Variants in PTCH2 observed in about 807,000 individuals in gnomAD.
The protein encoded by PTCH2 is patched 2, also known as protein patched homolog 2.
In PTCH2, 96 loss-of-function variants were observed where a neutral mutation model predicts 117.9. That is an observed-to-expected ratio of 0.81 (90% CI 0.69 to 0.96). The LOEUF (loss-of-function observed/expected upper bound fraction) is 0.96. PTCH2 is among the 50% of genes least tolerant of loss of function. PTCH2 has a pLI of 0.00. For missense variants in PTCH2, 1,379 were observed against 1,562.5 expected (o/e 0.88, Z 1.98); for synonymous variants, 615 against 660.9 (o/e 0.93, Z 1.06).
At chr1:44,841,533 T>G (rs1228946090) in intron 2 of PTCH2, among the ~76,000 whole-genome samples, 1 of 152,260 alleles carries the variant, frequency 6.6e-6, no homozygotes, top group Non-Finnish European at 1.5e-5. Context: ...AAGATGAATC[T>G]TGTTTTAGCT....
At chr1:44,842,738 G>C (rs1238099987) in intron 1 of PTCH2, 123 bp downstream of exon 1, 11 of 986,900 alleles carry the variant, frequency 1.1e-5, no homozygotes, top group Non-Finnish European at 1.7e-5. Context: ...TGCGGTGCTG[G>C]CTCTCACTTG....
chr1:44,836,947 G>T (rs1653716118), intron 2 of PTCH2, among the ~76,000 whole-genome samples: 1 of 152,152 alleles, frequency 6.6e-6, no homozygotes. Flanking sequence ...GTGAGACCCT[G>T]TCTCTATAAA....
chr1:44,831,915 C>G lies in PTCH2; in HGVS notation c.525+60G>C. On this transcript the variant is annotated intron_variant, in intron 4 of 21. Transcript: ENST00000372192. The surrounding 1 kb of genome is among the most constrained non-coding windows in gnomAD (Gnocchi z 4.3). Reference sequence around the variant, plus strand: ...TTGCAGGCTGTGGGGCTTGCTCGGTCTCTGAGTCCTCCCACGCTACAGAAA... The same window carrying G: ...TTGCAGGCTGTGGGGCTTGCTCGGTGTCTGAGTCCTCCCACGCTACAGAAA... The G allele has an allele frequency of 6.3e-7, 1 of 1,575,900 alleles. No individual in the cohort carries two copies. Among genetic ancestry groups the G allele is most frequent in the Non-Finnish European group, 8.7e-7 (1 of 1,145,364 alleles).
At position 44,823,916 on chromosome 1, in the gene PTCH2, C is replaced by T. The variant is rs1457793836; in HGVS notation, c.3115-531G>A. Reference sequence around the variant, plus strand: ...TTGCACTGCTACACTCCAGCCTGGGCGACAGAGTGAGACCCTGTTTCAAAC... The same window carrying T: ...TTGCACTGCTACACTCCAGCCTGGGTGACAGAGTGAGACCCTGTTTCAAAC... On this transcript the variant is annotated intron_variant, in intron 19 of 21. Coordinates refer to ENST00000372192, the MANE Select transcript of PTCH2 (RefSeq NM_003738.5). The surrounding 1 kb of genome is among the most constrained non-coding windows in gnomAD (Gnocchi z 5.1). Among the ~76,000 whole-genome samples, 10 of 150,164 alleles carry T rather than the reference C, an allele frequency of 6.7e-5. No homozygotes were observed. In the East Asian group the frequency reaches 1.4e-3, roughly 20 times the overall value.
At chr1:44,833,178 A>G (rs1457249907) in intron 2 of PTCH2, among the ~76,000 whole-genome samples, 1 of 152,074 alleles carries the variant, frequency 6.6e-6, no homozygotes, top group Non-Finnish European at 1.5e-5. Context: ...TGCTGGCCAC[A>G]GGCTCCTGCT....
intron 2 of PTCH2, among the ~76,000 whole-genome samples, chr1:44,836,457 C>T (rs180850827): frequency 1.0e-3 from 153 of 152,222 alleles, no homozygotes; most frequent in Non-Finnish European, 9.7e-4. Context: ...TACCTGCAAT[C>T]CCAGCACTTT....
At chr1:44,837,681 T>C (rs1653745611) in intron 2 of PTCH2, among the ~76,000 whole-genome samples, 2 of 152,102 alleles carry the variant, frequency 1.3e-5, no homozygotes, top group South Asian at 4.2e-4. Context: ...ATTACAAGCA[T>C]GAGCCACCAC....
At chr1:44,828,684 C>A in intron 11 of PTCH2, 53 bp from the exon 12 acceptor site, 1 of 1,588,352 alleles carries the variant, frequency 6.3e-7, no homozygotes, top group South Asian at 1.1e-5. Context: ...GGGGCCGTGT[C>A]AAAGTGGAGT....
At chr1:44,838,081 CAA>C (rs1385110706) in intron 2 of PTCH2, among the ~76,000 whole-genome samples, 17 of 84,536 alleles carry the variant, frequency 2.0e-4, no homozygotes, top group Admixed American at 6.4e-4. Context: ...GACTCCGTCT[CAA>C]AAAAAAAAAA....
At chr1:44,827,800 G>T (rs748546775) in intron 14 of PTCH2, 43 bp downstream of exon 14, 1 of 1,612,892 alleles carries the variant, frequency 6.2e-7, no homozygotes, top group South Asian at 1.1e-5. Context: ...GCCCTTCTGG[G>T]CCCAGAGATG....
At position 44,827,526 on chromosome 1, in the gene PTCH2, G is replaced by T. The variant is rs779837932; in HGVS notation, c.2247C>A (p.Tyr749Ter). Residue 749 changes from tyrosine (Y) to a stop codon, truncating the protein, a stop_gained, in exon 15 of 22, where the codon TAC (tyrosine) becomes TAA (stop). Coordinates refer to ENST00000372192, the MANE Select transcript of PTCH2 (RefSeq NM_003738.5). LOFTEE classifies it high-confidence loss of function. ...VALVTQGGFD[Y>*]AHSQRALFDL... The stretch of plus-strand genomic sequence containing the variant: ...CAAAGAGGGCGCGTTGGGAGTGGGC[G>T]TAGTCAAAGCCACCCTGGGTCACCA... 2.5e-6 allele frequency: 4 copies of T among 1,614,094 alleles called. No individual in the cohort carries two copies. Among genetic ancestry groups the T allele is most frequent in the Non-Finnish European group, 3.4e-6 (4 of 1,180,006 alleles).
In PTCH2 at chr1:44,827,456, G is replaced by T. The variant is rs572124699; in HGVS notation, c.2317C>A (p.Pro773Thr). 1.2e-6 allele frequency: 2 copies of T among 1,614,146 alleles called. No homozygotes were observed. The highest frequency in any genetic ancestry group is 1.7e-6 in the Non-Finnish European group (2 of 1,180,014). ...FSSLKAVLPP[P>T]ATQAPRTWLH... ...CAGGTGCGGGGTGCCTGGGTGGCCG[G>T]TGGGGGCAGCACCGCCTTGAGGGAA... The change falls in exon 15 of 22, where the codon CCG (proline) becomes ACG (threonine). Residue 773 changes from proline (P) to threonine (T), a missense_variant. Pro to Thr is a conservative substitution (Grantham distance 38). Coordinates refer to ENST00000372192, the MANE Select transcript of PTCH2 (RefSeq NM_003738.5).
chr1:44,830,586 T>TTAAAAAAAAAAAAAAAA (rs1653389094), intron 6 of PTCH2, among the ~76,000 whole-genome samples: 1 of 41,708 alleles, frequency 2.4e-5, no homozygotes, highest in Non-Finnish European at 4.1e-5. Flanking sequence ...AGAGTGAGAC[T>TTAAAAAAAAAAAAAAAA]CAAAAAAAAA....
Position 44,825,431 on chromosome 1 carries a change from C to T in PTCH2, c.3114+819G>A, listed in dbSNP as rs145279188. Among the ~76,000 whole-genome samples, 4 of 152,340 alleles carry T rather than the reference C, an allele frequency of 2.6e-5. No individual in the cohort carries two copies. The East Asian group carries it at 7.7e-4, about 29-fold the overall frequency. The stretch of plus-strand genomic sequence containing the variant: ...GGGATTACAGGCGTAAGCCACCTCA[C>T]CCAGCCCTTATTGTCTATCTCTATC... On this transcript the variant is annotated intron_variant, in intron 19 of 21. Coordinates refer to ENST00000372192, the MANE Select transcript of PTCH2 (RefSeq NM_003738.5).
chr1:44,824,500 AT>A (rs35156371), intron 19 of PTCH2, among the ~76,000 whole-genome samples: 108,852 of 139,588 alleles, frequency 0.78, 42,397 homozygotes, highest in African/African-American at 0.86. Context: ...CTACCATCCC[AT>A]TTTTTTTTTT....
rs11573589 is a variant in PTCH2, at chr1:44,826,811, C to G, written c.2696-43G>C. 2.5e-6 allele frequency: 4 copies of G among 1,606,698 alleles called. No homozygotes were observed. Among genetic ancestry groups the G allele is most frequent in the Non-Finnish European group, 2.6e-6 (3 of 1,175,066 alleles). On this transcript the variant is annotated intron_variant, in intron 17 of 21. Transcript: ENST00000372192. The surrounding 1 kb of genome is among the most constrained non-coding windows in gnomAD (Gnocchi z 5.1). ...AGGGAGAAGAGGGAGAGGGACAGGG[C>G]GGTGAGCACGGGGCAGAGTGGGCAG...
chr1:44,839,199 CCT>C (rs1463800615), intron 2 of PTCH2, among the ~76,000 whole-genome samples: 3 of 151,802 alleles, frequency 2.0e-5, no homozygotes, highest in Non-Finnish European at 4.4e-5. Context: ...ATGGTGACAC[CCT>C]GTTTCTACTA....
chr1:44,836,879 G>A (rs1653713485), intron 2 of PTCH2, among the ~76,000 whole-genome samples: 1 of 152,202 alleles, frequency 6.6e-6, no homozygotes, highest in South Asian at 2.1e-4. Context: ...GTGAGCCTAG[G>A]AGTTCCAGGC....
At chr1:44,820,628 C>G (rs1320213031), downstream of PTCH2, 3 of 702,178 alleles carry the variant, frequency 4.3e-6, no homozygotes, top group Admixed American at 2.1e-5. Context: ...ACCAATTCAG[C>G]CTGTCCAGAC....
Sources: allele counts gnomAD v4.1 joint callset (sites outside exome capture counted in the v4.1 genomes callset), GRCh38; gene constraint gnomAD v4.1.1; non-coding constraint Gnocchi (gnomAD v3.1); transcripts MANE v1.5; gene names NCBI Gene and HGNC (gene_info 2026-07-23, HGNC 2026-07-21).